Variants in EPS15L1 observed in about 807,000 individuals in gnomAD.
EPS15L1 encodes the protein epidermal growth factor receptor pathway substrate 15 like 1.
A neutral mutation model predicts 117.1 loss-of-function variants in EPS15L1; 43 were observed. The ratio of observed to expected loss-of-function variants is 0.37; its 90% CI spans 0.29 to 0.47. The LOEUF is 0.47. Among genes scored for constraint, EPS15L1 ranks in the 20% least tolerant of loss-of-function variants. EPS15L1 has a pLI of 0.99. For synonymous variants in EPS15L1, 459 were observed against 470.5 expected, an observed-to-expected ratio of 0.98 and a Z score of 0.32; for missense variants, 981 against 1,164.0, an observed-to-expected ratio of 0.84 and a Z score of 2.29.
chr19:16,364,926 C>T (rs1002780380), intron 22 of EPS15L1, among the ~76,000 whole-genome samples: 1 of 152,216 alleles, frequency 6.6e-6, no homozygotes, highest in Non-Finnish European at 1.5e-5. Flanking sequence ...ACAGGTGGGC[C>T]CCAGCACCCT....
chr19:16,460,558 G>C (rs1465871893), intron 1 of EPS15L1, among the ~76,000 whole-genome samples: 1 of 152,190 alleles, frequency 6.6e-6, no homozygotes. Flanking sequence ...GGCCTGGTGT[G>C]AGCAAGCAAA....
intron 21 of EPS15L1, among the ~76,000 whole-genome samples, chr19:16,377,668 C>T (rs1231608105): frequency 6.6e-6 from 1 of 152,230 alleles, no homozygotes; most frequent in African/African-American, 2.4e-5. Flanking sequence ...TGGCACATGC[C>T]CTGGTGTGCC....
At chr19:16,437,940 G>C (rs1218331155) in intron 4 of EPS15L1, 75 bp from the exon 5 acceptor site, 3 of 1,129,924 alleles carry the variant, frequency 2.7e-6, no homozygotes, top group Non-Finnish European at 3.9e-6. Context: ...TCTAACAGCA[G>C]GCTTCAGGGA....
chr19:16,377,079 G>C, intron 22 of EPS15L1, 43 bp downstream of exon 22: 1 of 1,557,266 alleles, frequency 6.4e-7, no homozygotes. Context: ...CCCGCCATCC[G>C]GCACCGGTAG....
In EPS15L1 at chr19:16,361,988, G is replaced by T. The variant is rs377387004; in HGVS notation, c.2381-4C>A. Reference sequence around the variant, plus strand: ...TGGCTTACAGGTGTACTTTTACCTGGAAAGTTTAGGAGAAAAAAAAAAGGA... The same window carrying T: ...TGGCTTACAGGTGTACTTTTACCTGTAAAGTTTAGGAGAAAAAAAAAAGGA... On this transcript the variant is annotated splice_polypyrimidine_tract_variant and splice_region_variant and intron_variant, in intron 22 of 23. Coordinates refer to ENST00000455140, the MANE Select transcript of EPS15L1 (RefSeq NM_001258374.3). 21 of 1,584,242 alleles carry T rather than the reference G, an allele frequency of 1.3e-5. No individual in the cohort carries two copies. The highest frequency in any genetic ancestry group is 1.7e-4 in the Middle Eastern group (1 of 5,886).
At position 16,361,970 on chromosome 19, in the gene EPS15L1, C is replaced by T; in HGVS notation, c.2395G>A (p.Val799Ile). 6.2e-7 allele frequency: 1 copy of T among 1,603,120 alleles called. No individual in the cohort carries two copies. Among genetic ancestry groups the T allele is most frequent in the Non-Finnish European group, 8.5e-7 (1 of 1,175,916 alleles). ...PKPPSGKSTP[V>I]SQLGSADFPE... ...AAGTCTGCGGAACCAAGCTGGCTTA[C>T]AGGTGTACTTTTACCTGGAAAGTTT... Residue 799 changes from valine to isoleucine, a missense_variant, in exon 23 of 24, where the codon GTA (valine) becomes ATA (isoleucine). Transcript: ENST00000455140.
At chr19:16,440,535 G>C (rs2093021001) in intron 4 of EPS15L1, 1 of 179,790 alleles carries the variant, frequency 5.6e-6, no homozygotes, top group South Asian at 1.8e-4. Flanking sequence ...AGATACACAG[G>C]AACCCTCCAA....
chr19:16,374,704 TG>T (rs1309104697), intron 22 of EPS15L1, among the ~76,000 whole-genome samples: 1 of 152,198 alleles, frequency 6.6e-6, no homozygotes, highest in Non-Finnish European at 1.5e-5. Context: ...TTTGCACCTG[TG>T]AGCTGTTGAG....
At chr19:16,450,836 G>A (rs1463986982) in intron 1 of EPS15L1, among the ~76,000 whole-genome samples, 1 of 151,978 alleles carries the variant, frequency 6.6e-6, no homozygotes, top group Non-Finnish European at 1.5e-5. Context: ...GGTCCCCAGA[G>A]AATCCAGGAC....
At chr19:16,384,883 C>T (rs777946511) in intron 21 of EPS15L1, among the ~76,000 whole-genome samples, 7 of 152,274 alleles carry the variant, frequency 4.6e-5, no homozygotes, top group Non-Finnish European at 8.8e-5. Flanking sequence ...ACCTGATGGT[C>T]GTCAGACACC....
chr19:16,365,250 T>C lies in EPS15L1; in HGVS notation c.2381-3266A>G, dbSNP rs1440311909. Among the ~76,000 whole-genome samples, 1 of 152,238 alleles carries C rather than the reference T, an allele frequency of 6.6e-6. No homozygotes were observed. Among genetic ancestry groups the C allele is most frequent in the Non-Finnish European group, 1.5e-5 (1 of 68,036 alleles). ...CTGTTTCTTAATCCAAACAAAGGGCTGTGTCCCCCCAACAATTGTTCATAC... is the reference window on the plus strand; with the variant it reads ...CTGTTTCTTAATCCAAACAAAGGGCCGTGTCCCCCCAACAATTGTTCATAC... On this transcript the variant is annotated intron_variant, in intron 22 of 23. Coordinates refer to ENST00000455140, the MANE Select transcript of EPS15L1 (RefSeq NM_001258374.3). The surrounding 1 kb of genome is among the most constrained non-coding windows in gnomAD (Gnocchi z 4.9).
chr19:16,400,733 G>C, intron 16 of EPS15L1: 1 of 985,372 alleles, frequency 1.0e-6, no homozygotes, highest in Non-Finnish European at 1.2e-6. Context: ...CATTCCCAAA[G>C]TAATTGTGTC....
At chr19:16,467,305 C>T (rs1482891888) in intron 1 of EPS15L1, among the ~76,000 whole-genome samples, 4 of 151,876 alleles carry the variant, frequency 2.6e-5, no homozygotes, top group Non-Finnish European at 5.9e-5. Context: ...TCCGCCAGGA[C>T]GCCAGGCTAA....
chr19:16,468,844 T>C (rs750861158), intron 1 of EPS15L1, among the ~76,000 whole-genome samples: 2 of 152,068 alleles, frequency 1.3e-5, no homozygotes, highest in Non-Finnish European at 2.9e-5. Context: ...AGACTTCATC[T>C]CTTCAAAAAA....
At chr19:16,410,736 C>A (rs2092699004) in intron 13 of EPS15L1, among the ~76,000 whole-genome samples, 1 of 151,862 alleles carries the variant, frequency 6.6e-6, no homozygotes, top group East Asian at 1.9e-4. Flanking sequence ...CACAGTGAGA[C>A]CTTGTCGCTG....
At chr19:16,417,393 C>T in intron 12 of EPS15L1, 159 bp downstream of exon 12, 1 of 649,064 alleles carries the variant, frequency 1.5e-6, no homozygotes, top group Non-Finnish European at 2.8e-6. Flanking sequence ...CTTCAAGCCC[C>T]TTGAGCCAGT....
rs1303499574 is a variant in EPS15L1 at position 16,365,150 on chromosome 19, A to G, written c.2381-3166T>C. Among the ~76,000 whole-genome samples the G allele has an allele frequency of 2.6e-5, 4 of 152,172 alleles. No homozygotes were observed. In the East Asian group the frequency reaches 7.7e-4, roughly 29 times the overall value. On this transcript the variant is annotated intron_variant, in intron 22 of 23. Transcript: ENST00000455140. This position sits in a 1 kb window ranked among gnomAD's most constrained non-coding sequence, Gnocchi z 4.9. The stretch of plus-strand genomic sequence containing the variant: ...CCCCTTCCCCATCATGCCTGTGTTC[A>G]GCTCTGCAGCCAAGCCCTGGGGCTG...
chr19:16,412,826 G>T, intron 13 of EPS15L1: 1 of 511,228 alleles, frequency 2.0e-6, no homozygotes, highest in African/African-American at 1.9e-5. Flanking sequence ...CACCGGAGCC[G>T]GGACCAAGGC....
rs1054432365 is a variant in EPS15L1, at chr19:16,371,277, C to T, written c.2380+5845G>A. Reference sequence around the variant, plus strand: ...TCAGGGCTTCCTCGGTGGCTGCATCCTGTGTGGCACCCCCGGCAGGGAGGT... The same window carrying T: ...TCAGGGCTTCCTCGGTGGCTGCATCTTGTGTGGCACCCCCGGCAGGGAGGT... On this transcript the variant is annotated intron_variant, in intron 22 of 23. Coordinates refer to ENST00000455140, the MANE Select transcript of EPS15L1 (RefSeq NM_001258374.3). This position sits in a 1 kb window ranked among gnomAD's most constrained non-coding sequence, Gnocchi z 4.7. Among the ~76,000 whole-genome samples the T allele has an allele frequency of 1.3e-5, 2 of 152,104 alleles. No homozygotes were observed. Among genetic ancestry groups the T allele is most frequent in the African/African-American group, 4.8e-5 (2 of 41,414 alleles).
Sources: gnomAD v4.1 joint callset for allele counts (sites outside exome capture counted in the v4.1 genomes callset) on GRCh38, gnomAD v4.1.1 for gene constraint, Gnocchi (gnomAD v3.1) non-coding constraint, MANE v1.5 for transcripts, NCBI Gene and HGNC (gene_info 2026-07-23, HGNC 2026-07-21) for gene names.